The following EXT2 variants were observed in gnomAD, a reference collection of about 807,000 sequenced individuals.
EXT2 encodes the protein exostosin glycosyltransferase 2.
EXT2 carries 53 observed loss-of-function variants against 81.6 expected under a neutral mutation model. The observed-to-expected ratio is 0.65, with a 90% CI of 0.52 to 0.82. EXT2 has a LOEUF of 0.82. Ranked by LOEUF, EXT2 falls within the 40% of genes least tolerant of loss-of-function variation. The pLI is 0.00. For missense variants in EXT2, 774 were observed against 910.2 expected (o/e 0.85, Z 1.93); for synonymous variants, 320 against 340.0 (o/e 0.94, Z 0.65).
At chr11:44,098,031 A>G (rs1364754484) in intron 1 of EXT2, among the ~76,000 whole-genome samples, 1 of 152,204 alleles carries the variant, frequency 6.6e-6, no homozygotes, top group African/African-American at 2.4e-5. Flanking sequence ...TTGCAGGGGC[A>G]GGTTTGATGT....
At chr11:44,169,989 G>T (rs1432475042) in intron 7 of EXT2, among the ~76,000 whole-genome samples, 2 of 151,820 alleles carry the variant, frequency 1.3e-5, no homozygotes, top group African/African-American at 4.8e-5. Flanking sequence ...ACACATGCAG[G>T]CAGACAAAAA....
intron 4 of EXT2, among the ~76,000 whole-genome samples, chr11:44,118,504 T>A (rs1954255148): frequency 6.6e-6 from 1 of 152,364 alleles, no homozygotes; most frequent in South Asian, 2.1e-4. Context: ...TACTGCTTTA[T>A]ATGATTTACA....
intron 9 of EXT2, among the ~76,000 whole-genome samples, chr11:44,204,982 A>C (rs1955565540): frequency 6.6e-6 from 1 of 152,214 alleles, no homozygotes; most frequent in Non-Finnish European, 1.5e-5. Flanking sequence ...TGCTGGAGAA[A>C]GTGATTGAAC....
chr11:44,234,025 G>A, intron 11 of EXT2, 90 bp from the exon 12 acceptor site: 1 of 1,570,220 alleles, frequency 6.4e-7, no homozygotes, highest in Non-Finnish European at 8.7e-7. Context: ...GAGAAAGCTT[G>A]TCCCCATGCC....
chr11:44,152,802 T>C (rs1289995555), intron 7 of EXT2, among the ~76,000 whole-genome samples: 1 of 152,232 alleles, frequency 6.6e-6, no homozygotes, highest in Non-Finnish European at 1.5e-5. Context: ...TCTTCATATG[T>C]ATTGTTTTTG....
At chr11:44,159,476 C>G (rs1565216115) in intron 7 of EXT2, among the ~76,000 whole-genome samples, 1 of 152,058 alleles carries the variant, frequency 6.6e-6, no homozygotes. Context: ...TGTTTGATCT[C>G]TATCATTTCT....
chr11:44,115,688 A>G (rs1456144410), intron 4 of EXT2, among the ~76,000 whole-genome samples: 1 of 152,232 alleles, frequency 6.6e-6, no homozygotes, highest in African/African-American at 2.4e-5. Context: ...ACCATTCTTT[A>G]AATATTTCAG....
At position 44,233,817 on chromosome 11, in the gene EXT2, A is replaced by AT. The variant is rs567997340; in HGVS notation, c.1807-290dup. ...TACAGTAGTAGACTATGTATGCTTT[A>AT]TTTTTTTTGACCCAATAATTTCTAC... On this transcript the variant is annotated intron_variant, in intron 11 of 13. Transcript: ENST00000533608. Among the ~76,000 whole-genome samples the AT allele has an allele frequency of 4.1e-4, 63 of 151,976 alleles. No homozygotes were observed. In the South Asian group the frequency reaches 0.012, roughly 29 times the overall value.
At chr11:44,143,080 T>G (rs976496265) in intron 7 of EXT2, among the ~76,000 whole-genome samples, 1 of 152,206 alleles carries the variant, frequency 6.6e-6, no homozygotes, top group Admixed American at 6.5e-5. Flanking sequence ...GCCTTCCGAA[T>G]AGCTGGGATT....
In EXT2 at chr11:44,197,928, C is replaced by A. The variant is rs746528837; in HGVS notation, c.1405C>A (p.Leu469Ile). 1.2e-6 allele frequency: 2 copies of A among 1,614,090 alleles called. No individual in the cohort carries two copies. Among genetic ancestry groups the A allele is most frequent in the Non-Finnish European group, 1.7e-6 (2 of 1,179,982 alleles). ...IVLTYDRVES[L>I]FRVITEVSKV... ...CCTCACCTACGACCGAGTAGAGAGC[C>A]TCTTCCGGGTCATCACTGAAGTGTC... Residue 469 changes from leucine to isoleucine, a missense_variant, in exon 9 of 14, where the codon CTC becomes ATC. By Grantham distance (5) the Leu-to-Ile change is conservative. Coordinates refer to ENST00000533608, the MANE Select transcript of EXT2 (RefSeq NM_207122.2).
intron 7 of EXT2, among the ~76,000 whole-genome samples, chr11:44,134,159 CA>C (rs1024844129): frequency 2.0e-5 from 3 of 152,204 alleles, no homozygotes; most frequent in African/African-American, 7.2e-5. Context: ...AGTTAAAAAA[CA>C]GTTCCTTAAG....
intron 4 of EXT2, among the ~76,000 whole-genome samples, chr11:44,122,529 C>T (rs1954333339): frequency 6.6e-6 from 1 of 152,204 alleles, no homozygotes; most frequent in African/African-American, 2.4e-5. Context: ...AGGCTCAAGG[C>T]TTGGAGTAGA....
chr11:44,102,520 G>T (rs1367667532), intron 1 of EXT2, among the ~76,000 whole-genome samples: 2 of 142,988 alleles, frequency 1.4e-5, no homozygotes, highest in Non-Finnish European at 3.0e-5. Flanking sequence ...TCCTGTCTTT[G>T]TCTCTGTCTC....
intron 8 of EXT2, 64 bp downstream of exon 8, chr11:44,171,806 A>T: frequency 6.2e-7 from 1 of 1,602,236 alleles, no homozygotes; most frequent in Non-Finnish European, 8.5e-7. Flanking sequence ...GTGGAAGGAA[A>T]AATGTACTAC....
In EXT2 at chr11:44,108,039, T is replaced by C; in HGVS notation, c.327T>C (p.Tyr109=). ...NPKNKIKVYI[Y]ALKKYVDDFG... is the part of the protein sequence containing the mutation. ...AGAACAAAATCAAGGTGTATATCTA[T>C]GCTCTGAAAAAGTACGTGGATGACT... Residue 109 remains tyrosine (Y), a synonymous_variant, in exon 2 of 14, where the codon TAT becomes TAC. Transcript: ENST00000533608. 1.2e-6 allele frequency: 2 copies of C among 1,614,182 alleles called. No individual in the cohort carries two copies. The highest frequency in any genetic ancestry group is 1.7e-6 in the Non-Finnish European group (2 of 1,180,046).
At chr11:44,232,171 C>G (rs1955906924) in intron 10 of EXT2, among the ~76,000 whole-genome samples, 182 bp from the exon 11 acceptor site, 1 of 152,166 alleles carries the variant, frequency 6.6e-6, no homozygotes, top group South Asian at 2.1e-4. Context: ...CAGCATCTGT[C>G]TTTGAGTTTT....
chr11:44,204,343 T>C (rs1955556156), intron 9 of EXT2, among the ~76,000 whole-genome samples: 1 of 152,222 alleles, frequency 6.6e-6, no homozygotes, highest in African/African-American at 2.4e-5. Context: ...TAAAATTTCC[T>C]CAGTTTTAAT....
At chr11:44,223,755 A>C (rs1328624667) in intron 10 of EXT2, among the ~76,000 whole-genome samples, 2 of 148,148 alleles carry the variant, frequency 1.3e-5, no homozygotes, top group African/African-American at 5.0e-5. Context: ...GGTTCACGCC[A>C]TTCCCCTGCC....
At chr11:44,193,972 G>T (rs944624047) in intron 8 of EXT2, among the ~76,000 whole-genome samples, 1 of 152,184 alleles carries the variant, frequency 6.6e-6, no homozygotes, top group African/African-American at 2.4e-5. Context: ...GATGAGACCC[G>T]ATCTGTTGTC....
Sources: gnomAD v4.1 joint callset for allele counts (sites outside exome capture counted in the v4.1 genomes callset) on GRCh38, gnomAD v4.1.1 for gene constraint, MANE v1.5 for transcripts, NCBI Gene and HGNC (gene_info 2026-07-23, HGNC 2026-07-21) for gene names.